The following HERC1 variants were observed in gnomAD, a reference collection of about 807,000 sequenced individuals.
HERC1 encodes the protein HECT and RLD domain containing E3 ubiquitin protein ligase family member 1.
Under a neutral mutation model 554.3 loss-of-function variants are expected in HERC1, and 160 were observed. The ratio of observed to expected loss-of-function variants is 0.29; its 90% confidence interval spans 0.25 to 0.33. HERC1 has a LOEUF of 0.33. Among genes scored for constraint, HERC1 ranks in the 10% least tolerant of loss-of-function variants. HERC1 has a pLI of 1.00. For synonymous variants in HERC1, 2,175 were observed against 2,131.7 expected, an observed-to-expected ratio of 1.02 and a Z score of -0.56; for missense variants, 4,919 against 5,918.5, an observed-to-expected ratio of 0.83 and a Z score of 5.54.
At chr15:63,764,860 G>T (rs921175222) in intron 2 of HERC1, among the ~76,000 whole-genome samples, 2 of 152,226 alleles carry the variant, frequency 1.3e-5, no homozygotes, top group African/African-American at 4.8e-5. Flanking sequence ...GATCTCAGGA[G>T]CTGGGTGAGT....
chr15:63,667,577 G>T (rs2070706481), intron 40 of HERC1, among the ~76,000 whole-genome samples: 1 of 152,174 alleles, frequency 6.6e-6, no homozygotes, highest in African/African-American at 2.4e-5. Context: ...ATTTATTATG[G>T]AGCTTATGTG....
chr15:63,689,654 T>A lies in HERC1; in HGVS notation c.5983A>T (p.Thr1995Ser), dbSNP rs2228512. The stretch of plus-strand genomic sequence containing the variant: ...GCATGTTTGGCCTGAGCAATGGGTG[T>A]CTCCCACATACAATCAGAGAGAAGG... ...FSLLSDCMWETPIAQAKHAIQ... is the reference protein window; with the variant it reads ...FSLLSDCMWESPIAQAKHAIQ... The change falls in exon 33 of 78, where the codon ACA (threonine) becomes TCA (serine). Residue 1995 changes from threonine (T) to serine (S), a missense_variant. Thr to Ser is a moderately conservative substitution (Grantham distance 58). This residue lies in a region of HERC1 where 1,121 missense variants were observed against 1,244.0 expected (regional missense o/e 0.90). Coordinates refer to ENST00000443617, the MANE Select transcript of HERC1 (RefSeq NM_003922.4). 5 of 1,589,822 alleles carry A rather than the reference T, an allele frequency of 3.1e-6. No individual in the cohort carries two copies. Among genetic ancestry groups the A allele is most frequent in the Admixed American group, 3.5e-5 (2 of 56,602 alleles).
intron 64 of HERC1, 101 bp from the exon 65 acceptor site, chr15:63,636,243 G>T: frequency 1.7e-5 from 16 of 931,362 alleles, no homozygotes; most frequent in South Asian, 5.4e-5. Context: ...CCACCGAATT[G>T]GTACTATGAA....
chr15:63,747,873 A>C lies in HERC1; in HGVS notation c.2220-15T>G. 6.5e-7 allele frequency: 1 copy of C among 1,528,452 alleles called. No homozygotes were observed. The highest frequency in any genetic ancestry group is 2.2e-5 in the Admixed American group (1 of 44,926). 94.7% of individuals were successfully genotyped at this position (1,528,452 alleles called of 1,614,324 possible). A position where few individuals can be genotyped will look rare whatever the true frequency, so the allele number is the denominator to read the frequency against. ...CAACAACTTGTCTAGAAGGACACAT[A>C]AGAAAATAATAAAACAGTCTTAAAA... On this transcript the variant is annotated splice_polypyrimidine_tract_variant and intron_variant, in intron 10 of 77. Transcript: ENST00000443617.
intron 69 of HERC1, among the ~76,000 whole-genome samples, chr15:63,629,596 A>G (rs1332589747): frequency 1.3e-5 from 2 of 152,196 alleles, no homozygotes; most frequent in African/African-American, 4.8e-5. Context: ...CATCATTAGG[A>G]AGGATCACGT....
intron 69 of HERC1, 62 bp from the exon 70 acceptor site, chr15:63,628,877 T>A: frequency 6.5e-7 from 1 of 1,542,736 alleles, no homozygotes; most frequent in Non-Finnish European, 8.8e-7. Flanking sequence ...GAAGTCAATA[T>A]GAAATTTTTC....
chr15:63,711,724 T>C (rs2073304096), intron 24 of HERC1, among the ~76,000 whole-genome samples: 1 of 152,252 alleles, frequency 6.6e-6, no homozygotes. Flanking sequence ...CATTTCTCTA[T>C]GAGCTGTCAC....
chr15:63,788,978 A>G (rs1182987820), intron 1 of HERC1, among the ~76,000 whole-genome samples: 1 of 152,006 alleles, frequency 6.6e-6, no homozygotes, highest in Non-Finnish European at 1.5e-5. Context: ...ATCTATTAAC[A>G]TTAACCAATT....
rs747778484 is a variant in HERC1 at position 63,696,173 on chromosome 15, A to G, written c.5072T>C (p.Val1691Ala). The G allele has an allele frequency of 1.1e-5, 18 of 1,613,620 alleles. No individual in the cohort carries two copies. Among genetic ancestry groups the G allele is most frequent in the Middle Eastern group, 1.6e-4 (1 of 6,084 alleles). Residue 1691 changes from valine to alanine, a missense_variant, in exon 27 of 78, where the codon GTT becomes GCT. Physicochemically the swap from Val to Ala is moderately conservative, Grantham distance 64 (BLOSUM62 0). This residue lies in a region of HERC1 where 1,121 missense variants were observed against 1,244.0 expected (regional missense o/e 0.90). Transcript: ENST00000443617. ...CTCTCCCTTGCCTCCTGTGTGTCCA[A>G]CAGTGCCTAAACCAAAACACCCTGC... Reference protein sequence around the residue: ...FLAGCFGLGTVGHTGGKGESG... With the variant: ...FLAGCFGLGTAGHTGGKGESG...
chr15:63,678,465 G>C (rs2071313276), intron 36 of HERC1, 100 bp from the exon 37 acceptor site: 8 of 1,366,082 alleles, frequency 5.9e-6, no homozygotes, highest in Admixed American at 5.7e-5. Context: ...ACTAGTATTT[G>C]GGTCTCTTCA....
At chr15:63,625,878 G>T in intron 71 of HERC1, 107 bp downstream of exon 71, 2 of 1,155,016 alleles carry the variant, frequency 1.7e-6, no homozygotes, top group East Asian at 2.6e-5. Flanking sequence ...AGCCATGAAA[G>T]AATTTTCCAA....
At chr15:63,795,514 T>C (rs1248329583) in intron 1 of HERC1, among the ~76,000 whole-genome samples, 1 of 152,182 alleles carries the variant, frequency 6.6e-6, no homozygotes, top group Non-Finnish European at 1.5e-5. Context: ...TTCAATCAAA[T>C]AGAAAAGCTC....
At chr15:63,653,859 T>G (rs1026390434) in intron 51 of HERC1, among the ~76,000 whole-genome samples, 1 of 152,186 alleles carries the variant, frequency 6.6e-6, no homozygotes, top group Non-Finnish European at 1.5e-5. Flanking sequence ...GTCTTCATCT[T>G]TTGTGAAGCT....
At position 63,696,105 on chromosome 15, in the gene HERC1, ACTGCAAGGTGTCACCTAC is replaced by A; in HGVS notation, c.5121+1_5121+18del. The A allele has an allele frequency of 6.5e-7, 1 of 1,545,256 alleles. No homozygotes were observed. The highest frequency in any genetic ancestry group is 8.9e-7 in the Non-Finnish European group (1 of 1,120,214). On this transcript the variant is annotated splice_donor_variant and splice_donor_5th_base_variant and intron_variant, in intron 27 of 77. Coordinates refer to ENST00000443617, the MANE Select transcript of HERC1 (RefSeq NM_003922.4). LOFTEE classifies it high-confidence loss of function. The stretch of plus-strand genomic sequence containing the variant: ...AAAATGACAGTTAAAATCTGTATAT[ACTGCAAGGTGTCACCTAC>A]CTGATAGTGATGCAATCGGCCACTC...
intron 1 of HERC1, among the ~76,000 whole-genome samples, chr15:63,783,388 G>GGACT (rs2076344087): frequency 6.6e-6 from 1 of 152,044 alleles, no homozygotes; most frequent in Non-Finnish European, 1.5e-5. Flanking sequence ...AAGGATCAGA[G>GGACT]GACTCTCAGC....
chr15:63,825,996 C>T (rs974795771), intron 1 of HERC1, among the ~76,000 whole-genome samples: 1 of 152,032 alleles, frequency 6.6e-6, no homozygotes, highest in African/African-American at 2.4e-5. Context: ...CTCCTGACCT[C>T]AGGTGATCCA....
At chr15:63,823,234 T>C (rs2077764889) in intron 1 of HERC1, among the ~76,000 whole-genome samples, 1 of 152,036 alleles carries the variant, frequency 6.6e-6, no homozygotes, top group Admixed American at 6.6e-5. Context: ...AGCTCCCACG[T>C]ATAAGTGAGA....
Position 63,734,747 on chromosome 15 carries a change from A to G in HERC1, c.2623T>C (p.Trp875Arg). The G allele has an allele frequency of 6.3e-7, 1 of 1,577,586 alleles. No homozygotes were observed. Among genetic ancestry groups the G allele is most frequent in the Non-Finnish European group, 8.6e-7 (1 of 1,167,098 alleles). ...ACCTGTCCTTTAGATAAGCTTTCCC[A>G]TCTATCAGGTCCTTGAGGTAAAAGA... ...HSLLPQGPDR[W>R]ESLSKGQRMQ... Residue 875 changes from tryptophan to arginine, a missense_variant, in exon 13 of 78, where the codon TGG becomes CGG. This residue lies in a region of HERC1 where 744 missense variants were observed against 1,090.0 expected (regional missense o/e 0.68). Coordinates refer to ENST00000443617, the MANE Select transcript of HERC1 (RefSeq NM_003922.4). This position sits in a 1 kb window ranked among gnomAD's most constrained non-coding sequence, Gnocchi z 4.6.
rs1476901533 is a variant in HERC1, at chr15:63,748,977, T to A, written c.2219+390A>T. On this transcript the variant is annotated intron_variant, in intron 10 of 77. Coordinates refer to ENST00000443617, the MANE Select transcript of HERC1 (RefSeq NM_003922.4). ...TTTTTTTTCCAAAAAAAAAAAAAAA[T>A]TCAAAAACCAACCAGATTGAGAGCA... Among the ~76,000 whole-genome samples, 14 of 150,688 alleles carry A rather than the reference T, an allele frequency of 9.3e-5. No homozygotes were observed. In the East Asian group the frequency reaches 2.5e-3, roughly 27 times the overall value.
Sources: gnomAD v4.1 joint callset for allele counts (sites outside exome capture counted in the v4.1 genomes callset) on GRCh38, gnomAD v4.1.1 for gene constraint, gnomAD v4.1.1 regional missense constraint, Gnocchi (gnomAD v3.1) non-coding constraint, MANE v1.5 for transcripts, NCBI Gene and HGNC (gene_info 2026-07-23, HGNC 2026-07-21) for gene names.